Variants in HDAC4 observed in about 807,000 individuals in gnomAD.
The protein encoded by HDAC4 is histone deacetylase A.
Under a neutral mutation model 135.1 loss-of-function variants are expected in HDAC4, and 16 were observed. That is an observed-to-expected ratio of 0.12 (90% CI 0.08 to 0.18). HDAC4 has a LOEUF of 0.18. HDAC4 is among the 10% of genes least tolerant of loss of function. HDAC4 has a pLI of 1.00. For synonymous variants in HDAC4, 685 were observed against 653.4 expected (o/e 1.05, Z -0.74); for missense variants, 1,143 against 1,511.8 (o/e 0.76, Z 4.05).
At chr2:239,226,456 C>T (rs1004620852) in intron 3 of HDAC4, among the ~76,000 whole-genome samples, 1 of 152,152 alleles carries the variant, frequency 6.6e-6, no homozygotes, top group Non-Finnish European at 1.5e-5. Flanking sequence ...CAACCAGTCA[C>T]CAGCTCCACC....
rs1447147009 is a variant in HDAC4, at chr2:239,392,639, TG to T, written c.-220+8338del. 4.6e-5 allele frequency among the ~76,000 whole-genome samples: 7 copies of T among 152,266 alleles called. No homozygotes were observed. In the East Asian group the frequency reaches 1.2e-3, roughly 25 times the overall value. On this transcript the variant is annotated intron_variant, in intron 1 of 26. Coordinates refer to ENST00000543185, the MANE Select transcript of HDAC4 (RefSeq NM_001378414.1). The stretch of plus-strand genomic sequence containing the variant: ...TTGTCCACAGCCCCCAGAGGTGGAA[TG>T]GGGGTCAGCCTCCTTAGAACACTCT...
intron 2 of HDAC4, among the ~76,000 whole-genome samples, chr2:239,287,516 CTTG>C (rs1205078126): frequency 6.6e-6 from 1 of 152,180 alleles, no homozygotes; most frequent in Non-Finnish European, 1.5e-5. Context: ...AGTGTCAAAA[CTTG>C]TTGTATGCAC....
intron 3 of HDAC4, among the ~76,000 whole-genome samples, chr2:239,200,299 C>T (rs915646410): frequency 2.0e-5 from 3 of 152,198 alleles, no homozygotes; most frequent in South Asian, 2.1e-4. Flanking sequence ...CCATTCCAAA[C>T]GCTGACTTAC....
chr2:239,072,227 T>C (rs1405984160), intron 22 of HDAC4, among the ~76,000 whole-genome samples: 1 of 152,236 alleles, frequency 6.6e-6, no homozygotes, highest in Admixed American at 6.5e-5. Context: ...CTAGATCCTG[T>C]CCAGATATAA....
At chr2:239,203,530 G>C (rs2045881014) in intron 3 of HDAC4, among the ~76,000 whole-genome samples, 1 of 152,160 alleles carries the variant, frequency 6.6e-6, no homozygotes, top group Non-Finnish European at 1.5e-5. Flanking sequence ...GAGTCCTGTG[G>C]TCTCGAAGCT....
At chr2:239,224,091 C>T (rs2153136672) in intron 3 of HDAC4, among the ~76,000 whole-genome samples, 1 of 152,312 alleles carries the variant, frequency 6.6e-6, no homozygotes, top group East Asian at 1.9e-4. Flanking sequence ...GGGTCTGCTC[C>T]ACCCACATTC....
chr2:239,292,979 T>C (rs1350605909), intron 2 of HDAC4, among the ~76,000 whole-genome samples: 2 of 152,114 alleles, frequency 1.3e-5, no homozygotes, highest in Non-Finnish European at 2.9e-5. Context: ...TTAGATACAG[T>C]TTTACTTAAA....
intron 3 of HDAC4, among the ~76,000 whole-genome samples, chr2:239,227,946 G>A (rs1051673988): frequency 2.6e-5 from 4 of 152,172 alleles, no homozygotes; most frequent in Admixed American, 2.6e-4. Flanking sequence ...CATTTTCAAC[G>A]CAATTCAAGC....
intron 12 of HDAC4, among the ~76,000 whole-genome samples, chr2:239,124,754 ATGTTATGTGACATTCTG>A (rs2040021258): frequency 2.9e-5 from 3 of 103,116 alleles, no homozygotes; most frequent in Non-Finnish European, 3.9e-5. Flanking sequence ...ATGACATTCC[ATGTTATGTGACATTCTG>A]GTGTGCTGGC....
intron 3 of HDAC4, among the ~76,000 whole-genome samples, chr2:239,226,691 C>T (rs536594567): frequency 6.6e-5 from 10 of 152,124 alleles, no homozygotes; most frequent in Admixed American, 5.9e-4. Context: ...TGTAGATAAC[C>T]CAAACAATCT....
chr2:239,163,674 G>A, intron 6 of HDAC4, 129 bp downstream of exon 6: 1 of 966,116 alleles, frequency 1.0e-6, no homozygotes. Flanking sequence ...ACTGTGCTTG[G>A]GGTTTCAATT....
rs532724436 is a variant in HDAC4, at chr2:239,141,259, G to C, written c.866-1463C>G. ...GGGAACATCTTGCCCTCAACAGCAG[G>C]GCAGTCTAAACCTCCCAAGGGCAAA... On this transcript the variant is annotated intron_variant, in intron 8 of 26. Coordinates refer to ENST00000543185, the MANE Select transcript of HDAC4 (RefSeq NM_001378414.1). The surrounding 1 kb of genome is among the most constrained non-coding windows in gnomAD (Gnocchi z 4.9). 6.6e-6 allele frequency among the ~76,000 whole-genome samples: 1 copy of C among 152,168 alleles called. No homozygotes were observed. Among genetic ancestry groups the C allele is most frequent in the South Asian group, 2.1e-4 (1 of 4,816 alleles).
chr2:239,316,367 A>G (rs1403233531), intron 2 of HDAC4, among the ~76,000 whole-genome samples: 3 of 152,212 alleles, frequency 2.0e-5, no homozygotes, highest in African/African-American at 7.2e-5. Context: ...TGGGGGGCCA[A>G]GGTGGGAAGA....
In HDAC4 at chr2:239,051,814, C is replaced by T. The variant is rs1003733995; in HGVS notation, c.*1283G>A. 1 of 152,098 alleles carries T rather than the reference C, an allele frequency of 6.6e-6. No homozygotes were observed. Among genetic ancestry groups the T allele is most frequent in the Non-Finnish European group, 1.5e-5 (1 of 68,002 alleles). The allele number at this position is 152,098 out of a possible 1,614,324, so 9.4% of individuals were successfully genotyped here. A position where few individuals can be genotyped will look rare whatever the true frequency, so the allele number is the denominator to read the frequency against. ...CTTGAGAGCAAATTCACAAGCCATC[C>T]ATTTGCAGGGACCTTCGCAATCTGC... On this transcript the variant is annotated 3_prime_UTR_variant, in exon 27 of 27. Coordinates refer to ENST00000543185, the MANE Select transcript of HDAC4 (RefSeq NM_001378414.1).
At chr2:239,159,416 TAC>T (rs1010539284) in intron 6 of HDAC4, among the ~76,000 whole-genome samples, 2 of 101,448 alleles carry the variant, frequency 2.0e-5, no homozygotes, top group Non-Finnish European at 2.0e-5. Context: ...CCCCTCACCT[TAC>T]ACAAACTCAT....
At chr2:239,126,773 T>A in intron 11 of HDAC4, 79 bp from the exon 12 acceptor site, 1 of 1,452,152 alleles carries the variant, frequency 6.9e-7, no homozygotes, top group South Asian at 1.2e-5. Context: ...GAGTAAGTGA[T>A]GGAGACAACT....
intron 3 of HDAC4, among the ~76,000 whole-genome samples, chr2:239,200,782 T>G (rs2045706533): frequency 6.6e-6 from 1 of 151,950 alleles, no homozygotes. Context: ...ACAGGCAGAT[T>G]GCATTCGACG....
In HDAC4 at chr2:239,134,120, T is replaced by C. The variant is rs2040783897; in HGVS notation, c.1294+125A>G. On this transcript the variant is annotated intron_variant, in intron 11 of 26. Transcript: ENST00000543185. Reference sequence around the variant, plus strand: ...TACATCACGTGATGGGGATGTGTGTTTGGGAACTGTGGGGGTGGGACAGGC... The same window carrying C: ...TACATCACGTGATGGGGATGTGTGTCTGGGAACTGTGGGGGTGGGACAGGC... 6.9e-5 allele frequency: 52 copies of C among 753,240 alleles called. 1 individual carries two copies. In the South Asian group the frequency reaches 7.4e-4, roughly 11 times the overall value. 46.7% of individuals were successfully genotyped at this position (753,240 alleles called of 1,614,324 possible).
rs183314607 is a variant in HDAC4, at chr2:239,190,326, C to T, written c.95-249G>A. Among the ~76,000 whole-genome samples, 14 of 152,306 alleles carry T rather than the reference C, an allele frequency of 9.2e-5. No individual in the cohort carries two copies. In the East Asian group the frequency reaches 1.2e-3, roughly 13 times the overall value. On this transcript the variant is annotated intron_variant, in intron 3 of 26. Transcript: ENST00000543185. Reference sequence around the variant, plus strand: ...AAGCCCATGGGAGGTCAGGCCAGGACGCACTCCACAATCCCTGTTCCTTCC... The same window carrying T: ...AAGCCCATGGGAGGTCAGGCCAGGATGCACTCCACAATCCCTGTTCCTTCC...
Sources: allele counts gnomAD v4.1 joint callset (sites outside exome capture counted in the v4.1 genomes callset), GRCh38; gene constraint gnomAD v4.1.1; non-coding constraint Gnocchi (gnomAD v3.1); transcripts MANE v1.5; gene names NCBI Gene and HGNC (gene_info 2026-07-23, HGNC 2026-07-21).